The following CCDC6 variants were observed in gnomAD, a reference collection of about 807,000 sequenced individuals.
CCDC6 encodes coiled-coil domain-containing protein 6.
A neutral mutation model predicts 56.6 loss-of-function variants in CCDC6; 20 were observed. The observed-to-expected ratio is 0.35, with a 90% CI of 0.25 to 0.51. CCDC6 has a LOEUF of 0.51. Among genes scored for constraint, CCDC6 ranks in the 20% least tolerant of loss-of-function variants. The pLI, the probability that CCDC6 is intolerant of heterozygous loss-of-function variation, is 0.95. For synonymous variants in CCDC6, 241 were observed against 234.4 expected (o/e 1.03, Z -0.26); for missense variants, 367 against 601.1 (o/e 0.61, Z 4.07).
intron 2 of CCDC6, among the ~76,000 whole-genome samples, chr10:59,842,825 C>T (rs2070952259): frequency 6.7e-6 from 1 of 148,974 alleles, no homozygotes; most frequent in Admixed American, 6.8e-5. Flanking sequence ...GCAATCTCAG[C>T]TCACAGCAAG....
chr10:59,871,011 CTA>C (rs1385745937), intron 1 of CCDC6, among the ~76,000 whole-genome samples: 2 of 148,296 alleles, frequency 1.3e-5, no homozygotes, highest in Non-Finnish European at 2.9e-5. Context: ...TCAGTCAGAT[CTA>C]TGTTTAGAAA....
At chr10:59,881,851 C>T (rs576650948) in intron 1 of CCDC6, among the ~76,000 whole-genome samples, 1 of 152,290 alleles carries the variant, frequency 6.6e-6, no homozygotes, top group African/African-American at 2.4e-5. Context: ...TCAAAAATAT[C>T]CTCACTCCAC....
chr10:59,867,975 T>C (rs2071191172), intron 1 of CCDC6, among the ~76,000 whole-genome samples: 1 of 152,234 alleles, frequency 6.6e-6, no homozygotes, highest in Admixed American at 6.5e-5. Flanking sequence ...TGATGTATTA[T>C]GTTTCCCTAA....
chr10:59,795,874 C>T (rs905654041), intron 7 of CCDC6, among the ~76,000 whole-genome samples: 4 of 152,010 alleles, frequency 2.6e-5, no homozygotes, highest in Non-Finnish European at 2.9e-5. Flanking sequence ...TCCAGTCTAT[C>T]GTTGTTGGAC....
chr10:59,795,513 T>A (rs34352466), intron 7 of CCDC6, among the ~76,000 whole-genome samples: 36 of 152,050 alleles, frequency 2.4e-4, no homozygotes, highest in Non-Finnish European at 4.0e-4. Flanking sequence ...AGGGTACATG[T>A]GCACAATGTG....
At chr10:59,807,490 C>A (rs1303137280) in intron 5 of CCDC6, among the ~76,000 whole-genome samples, 3 of 152,034 alleles carry the variant, frequency 2.0e-5, no homozygotes, top group African/African-American at 7.2e-5. Flanking sequence ...TCTCAAAAAA[C>A]AAAGAAACAA....
intron 1 of CCDC6, among the ~76,000 whole-genome samples, chr10:59,876,892 T>TCA (rs1374979454): frequency 6.6e-6 from 1 of 152,184 alleles, no homozygotes; most frequent in Non-Finnish European, 1.5e-5. Context: ...GGTGATTTCA[T>TCA]CATTGTGTGA....
chr10:59,831,617 A>G (rs2070836466), intron 3 of CCDC6, among the ~76,000 whole-genome samples: 1 of 152,228 alleles, frequency 6.6e-6, no homozygotes, highest in Admixed American at 6.5e-5. Flanking sequence ...ATCTTCATCT[A>G]CTGCATTTTA....
chr10:59,809,386 A>AT (rs1339255467), intron 5 of CCDC6, among the ~76,000 whole-genome samples: 1 of 152,174 alleles, frequency 6.6e-6, no homozygotes, highest in African/African-American at 2.4e-5. Flanking sequence ...CTTAAACAAT[A>AT]TATCTATAGA....
At chr10:59,808,966 A>C (rs1184445080) in intron 5 of CCDC6, among the ~76,000 whole-genome samples, 1 of 152,362 alleles carries the variant, frequency 6.6e-6, no homozygotes, top group East Asian at 1.9e-4. Context: ...TGGCTGTTTC[A>C]ACATAGCCAG....
chr10:59,884,268 C>A (rs1007330414), intron 1 of CCDC6, among the ~76,000 whole-genome samples: 15 of 152,070 alleles, frequency 9.9e-5, no homozygotes, highest in Non-Finnish European at 2.1e-4. Context: ...TTCCCTGCTA[C>A]AGGACCAAAA....
intron 3 of CCDC6, 106 bp from the exon 4 acceptor site, chr10:59,814,861 A>G (rs1589038500): frequency 1.4e-6 from 1 of 694,988 alleles, no homozygotes; most frequent in East Asian, 2.6e-5. Context: ...AATACTGCAA[A>G]CATGTGGCCA....
intron 1 of CCDC6, among the ~76,000 whole-genome samples, chr10:59,901,789 A>C (rs2071505098): frequency 6.6e-6 from 1 of 152,126 alleles, no homozygotes; most frequent in Non-Finnish European, 1.5e-5. Flanking sequence ...GCATTTCCTC[A>C]CCTTCTCTAA....
intron 5 of CCDC6, 55 bp from the exon 6 acceptor site, chr10:59,807,133 T>TA (rs1020401058): frequency 4.6e-5 from 70 of 1,521,406 alleles, no homozygotes; most frequent in Non-Finnish European, 5.4e-5. Context: ...TATCCAAATC[T>TA]AAAAAAAAGG....
chr10:59,842,319 T>C (rs1355928732), intron 2 of CCDC6, among the ~76,000 whole-genome samples: 1 of 152,188 alleles, frequency 6.6e-6, no homozygotes, highest in Non-Finnish European at 1.5e-5. Context: ...AGTGCTAGGA[T>C]TACAGGTGTG....
chr10:59,893,210 T>C (rs1468639441), intron 1 of CCDC6, among the ~76,000 whole-genome samples: 2 of 152,166 alleles, frequency 1.3e-5, no homozygotes, highest in Non-Finnish European at 2.9e-5. Flanking sequence ...GGGGGAGGGA[T>C]ACTGACTGGA....
chr10:59,861,065 G>A (rs903530523), intron 1 of CCDC6, among the ~76,000 whole-genome samples: 7 of 152,072 alleles, frequency 4.6e-5, no homozygotes, highest in African/African-American at 7.2e-5. Flanking sequence ...CCGTGGTAGC[G>A]AGCACCTGTA....
rs374136099 is a variant in CCDC6, at chr10:59,793,155, G to A, written c.1231-44C>T. ...CAGCAAGTCAGTCTAGGTACAGGTG[G>A]ATCTCATTCTACCTAACACAGCCTG... On this transcript the variant is annotated intron_variant, in intron 8 of 8. Coordinates refer to ENST00000263102, the MANE Select transcript of CCDC6 (RefSeq NM_005436.5). 9 of 1,540,266 alleles carry A rather than the reference G, an allele frequency of 5.8e-6. No individual in the cohort carries two copies. The African/African-American group carries it at 1.2e-4, about 21-fold the overall frequency.
chr10:59,860,785 C>T (rs1044446194), intron 1 of CCDC6, among the ~76,000 whole-genome samples: 4 of 152,252 alleles, frequency 2.6e-5, no homozygotes, highest in South Asian at 2.1e-4. Context: ...CGATGGCTTA[C>T]GTCTGTAATC....
Sources: allele counts gnomAD v4.1 joint callset (sites outside exome capture counted in the v4.1 genomes callset), GRCh38; gene constraint gnomAD v4.1.1; transcripts MANE v1.5; gene names NCBI Gene and HGNC (gene_info 2026-07-23, HGNC 2026-07-21).